Variants in RELN observed in about 807,000 individuals in gnomAD.
RELN encodes reelin.
In RELN, 108 loss-of-function variants were observed where a neutral mutation model predicts 427.6. The ratio of observed to expected loss-of-function variants is 0.25; its 90% CI spans 0.22 to 0.30. The LOEUF (loss-of-function observed/expected upper bound fraction) is 0.30, where lower values mean the gene tolerates loss of function less well. RELN is among the 10% of genes least tolerant of loss of function. The pLI is 1.00. For synonymous variants in RELN, 1,524 were observed against 1,513.4 expected, an observed-to-expected ratio of 1.01 and a Z score of -0.16; for missense variants, 3,715 against 4,302.8, an observed-to-expected ratio of 0.86 and a Z score of 3.82.
At chr7:103,925,887 T>C (rs1227337179) in intron 1 of RELN, among the ~76,000 whole-genome samples, 5 of 152,040 alleles carry the variant, frequency 3.3e-5, no homozygotes, top group Non-Finnish European at 7.4e-5. Flanking sequence ...AGAACAAATA[T>C]ATGTGTGATT....
chr7:103,948,701 C>G (rs1796268862), intron 1 of RELN, among the ~76,000 whole-genome samples: 1 of 151,988 alleles, frequency 6.6e-6, no homozygotes, highest in African/African-American at 2.4e-5. Flanking sequence ...CATTTCACAT[C>G]AGGTTTGCAT....
intron 55 of RELN, 125 bp downstream of exon 55, chr7:103,497,695 T>G: frequency 1.2e-6 from 1 of 801,830 alleles, no homozygotes; most frequent in Non-Finnish European, 2.1e-6. Context: ...AATCTGTAGC[T>G]TTTTCTTTGT....
chr7:103,662,261 T>G (rs1174583357), intron 11 of RELN, among the ~76,000 whole-genome samples: 1 of 152,172 alleles, frequency 6.6e-6, no homozygotes, highest in African/African-American at 2.4e-5. Flanking sequence ...GCAGTGTGAC[T>G]CCAGAGCCTA....
At chr7:103,534,665 T>A (rs1454052229) in intron 46 of RELN, among the ~76,000 whole-genome samples, 1 of 152,018 alleles carries the variant, frequency 6.6e-6, no homozygotes, top group Non-Finnish European at 1.5e-5. Flanking sequence ...TTTTTTAATT[T>A]TTTTTGTAGA....
At chr7:103,598,175 T>C (rs754021527) in intron 24 of RELN, among the ~76,000 whole-genome samples, 6 of 152,136 alleles carry the variant, frequency 3.9e-5, no homozygotes, top group Non-Finnish European at 7.4e-5. Context: ...CTAAAGCCAA[T>C]TAAGAGTTTT....
At chr7:103,764,729 G>A (rs928226036) in intron 4 of RELN, among the ~76,000 whole-genome samples, 27 of 151,570 alleles carry the variant, frequency 1.8e-4, no homozygotes, top group Non-Finnish European at 3.1e-4. Context: ...CCAACTACTC[G>A]GGAGGCTGAG....
At chr7:103,814,645 A>G (rs1792825429) in intron 3 of RELN, among the ~76,000 whole-genome samples, 1 of 152,014 alleles carries the variant, frequency 6.6e-6, no homozygotes, top group African/African-American at 2.4e-5. Flanking sequence ...AGAAGGGTGG[A>G]GCTCAGCCTG....
At chr7:103,967,015 CTT>C (rs1339729925) in intron 1 of RELN, among the ~76,000 whole-genome samples, 1 of 152,176 alleles carries the variant, frequency 6.6e-6, no homozygotes, top group Non-Finnish European at 1.5e-5. Context: ...TCCCTGTGAC[CTT>C]TTGCAGCTGT....
At chr7:103,654,512 T>G (rs151098411) in intron 12 of RELN, among the ~76,000 whole-genome samples, 1 of 152,136 alleles carries the variant, frequency 6.6e-6, no homozygotes, top group Non-Finnish European at 1.5e-5. Context: ...TAAAAAGATG[T>G]GTTCTGCTTT....
At chr7:103,528,631 C>T (rs1057063005) in intron 46 of RELN, among the ~76,000 whole-genome samples, 4 of 152,022 alleles carry the variant, frequency 2.6e-5, no homozygotes, top group African/African-American at 4.8e-5. Flanking sequence ...CAGGTTCAAG[C>T]GATCCTTATG....
intron 1 of RELN, among the ~76,000 whole-genome samples, chr7:103,942,720 T>C (rs1340566431): frequency 6.6e-6 from 1 of 152,176 alleles, no homozygotes; most frequent in East Asian, 1.9e-4. Flanking sequence ...GAGACCATCC[T>C]GGCCAATATG....
chr7:103,483,982 C>A (rs893488752), intron 61 of RELN, 132 bp from the exon 62 acceptor site: 6 of 873,154 alleles, frequency 6.9e-6, no homozygotes, highest in East Asian at 5.3e-5. Flanking sequence ...TGGGTTCAAG[C>A]GATTTTCCTG....
intron 3 of RELN, among the ~76,000 whole-genome samples, chr7:103,820,599 A>G: frequency 6.6e-6 from 1 of 152,086 alleles, no homozygotes; most frequent in East Asian, 1.9e-4. Flanking sequence ...TGTAATTAAT[A>G]AGAACAAGGT....
chr7:103,494,012 A>C (rs1459762163), intron 57 of RELN, among the ~76,000 whole-genome samples: 1 of 152,168 alleles, frequency 6.6e-6, no homozygotes, highest in Admixed American at 6.5e-5. Flanking sequence ...AGGAGGCTCC[A>C]ATCAACTCAA....
At chr7:103,868,858 T>C (rs1165086649) in intron 2 of RELN, among the ~76,000 whole-genome samples, 2 of 152,144 alleles carry the variant, frequency 1.3e-5, no homozygotes, top group South Asian at 2.1e-4. Flanking sequence ...TTGTTTTGTA[T>C]TAATATAGCC....
chr7:103,491,464 T>TAAGACATATGTATACA (rs1183962412), intron 58 of RELN, among the ~76,000 whole-genome samples: 3 of 152,044 alleles, frequency 2.0e-5, no homozygotes, highest in Non-Finnish European at 2.9e-5. Context: ...ATTTTGAAAA[T>TAAGACATATGTATACA]AAGACATATG....
chr7:103,947,600 T>C (rs1260231204), intron 1 of RELN, among the ~76,000 whole-genome samples: 1 of 152,210 alleles, frequency 6.6e-6, no homozygotes, highest in East Asian at 1.9e-4. Context: ...TTCAGACTTC[T>C]ATCCTCTAGA....
intron 1 of RELN, among the ~76,000 whole-genome samples, chr7:103,969,524 T>A (rs1180060079): frequency 6.6e-6 from 1 of 152,184 alleles, no homozygotes; most frequent in South Asian, 2.1e-4. Context: ...TAGGAATTAG[T>A]AGGAGAAAAA....
chr7:103,911,705 G>A (rs1407539083), intron 2 of RELN, among the ~76,000 whole-genome samples: 2 of 144,272 alleles, frequency 1.4e-5, no homozygotes, highest in Admixed American at 1.4e-4. Context: ...TCCTTTGTAG[G>A]GACATGGATG....
Sources: allele counts gnomAD v4.1 joint callset (sites outside exome capture counted in the v4.1 genomes callset), GRCh38; gene constraint gnomAD v4.1.1; transcripts MANE v1.5; gene names NCBI Gene and HGNC (gene_info 2026-07-23, HGNC 2026-07-21).